The following SENP7 variants were observed in gnomAD, a reference collection of about 807,000 sequenced individuals.
SENP7 encodes sentrin-specific protease 7.
In SENP7, 64 loss-of-function variants were observed where a neutral mutation model predicts 141.2. The ratio of observed to expected loss-of-function variants is 0.45; its 90% CI spans 0.37 to 0.56. The LOEUF (loss-of-function observed/expected upper bound fraction) is 0.56. Among genes scored for constraint, SENP7 ranks in the 20% least tolerant of loss-of-function variants. The pLI is 0.00. For synonymous variants in SENP7, 382 were observed against 426.4 expected, an observed-to-expected ratio of 0.90 and a Z score of 1.28; for missense variants, 1,025 against 1,212.2, an observed-to-expected ratio of 0.85 and a Z score of 2.29.
chr3:101,331,853 T>G (rs1186351302), intron 19 of SENP7, 132 bp downstream of exon 19: 1 of 886,556 alleles, frequency 1.1e-6, no homozygotes, highest in Non-Finnish European at 1.7e-6. Flanking sequence ...AATTTCAGAT[T>G]TTTTATTCAT....
At chr3:101,390,751 G>A (rs971919165) in intron 6 of SENP7, among the ~76,000 whole-genome samples, 1 of 152,144 alleles carries the variant, frequency 6.6e-6, no homozygotes, top group Admixed American at 6.5e-5. Flanking sequence ...GATCAAATGG[G>A]CCTAACAGAC....
chr3:101,359,494 C>A (rs1035283540), intron 11 of SENP7, among the ~76,000 whole-genome samples: 2 of 151,564 alleles, frequency 1.3e-5, no homozygotes, highest in African/African-American at 4.8e-5. Flanking sequence ...CTTTCTCTTG[C>A]CTGATGGCCC....
At chr3:101,402,762 G>GA (rs920233175) in intron 5 of SENP7, among the ~76,000 whole-genome samples, 1 of 151,698 alleles carries the variant, frequency 6.6e-6, no homozygotes, top group Admixed American at 6.6e-5. Context: ...CTGCCACTCA[G>GA]AAAAAAAATA....
chr3:101,471,894 T>G (rs2064011623), intron 3 of SENP7, among the ~76,000 whole-genome samples: 1 of 152,042 alleles, frequency 6.6e-6, no homozygotes, highest in Admixed American at 6.5e-5. Flanking sequence ...AACAGACACA[T>G]GAAAAAACAC....
At chr3:101,393,964 G>A (rs2060889052) in intron 6 of SENP7, among the ~76,000 whole-genome samples, 1 of 152,056 alleles carries the variant, frequency 6.6e-6, no homozygotes, top group Non-Finnish European at 1.5e-5. Context: ...TCCATGTGTT[G>A]GGAACATTTC....
rs557215553 is a variant in SENP7, at chr3:101,510,059, T to C, written c.40+3032A>G. 1.0e-3 allele frequency among the ~76,000 whole-genome samples: 152 copies of C among 152,350 alleles called. 1 individual carries two copies. Among genetic ancestry groups the C allele is most frequent in the African/African-American group, 3.3e-3 (138 of 41,584 alleles). ...AATCAGTTGAAAACTGGTTCAAATT[T>C]ACTTGACGTTTCCTATTTTGATTCA... On this transcript the variant is annotated intron_variant, in intron 1 of 23. Coordinates refer to ENST00000394095, the MANE Select transcript of SENP7 (RefSeq NM_020654.5).
At chr3:101,356,922 T>A (rs759056508) in intron 11 of SENP7, among the ~76,000 whole-genome samples, 15 of 152,198 alleles carry the variant, frequency 9.9e-5, no homozygotes, top group Non-Finnish European at 1.9e-4. Flanking sequence ...GAATAAATAC[T>A]CTTCTTCACT....
chr3:101,351,591 C>T (rs1323811418), intron 12 of SENP7, 27 bp downstream of exon 12: 1 of 1,330,134 alleles, frequency 7.5e-7, no homozygotes, highest in Non-Finnish European at 9.9e-7. Context: ...AGTAAAAAGA[C>T]AAGTTCATAA....
intron 6 of SENP7, among the ~76,000 whole-genome samples, chr3:101,380,458 C>CACAA (rs747202619): frequency 7.3e-6 from 1 of 136,150 alleles, no homozygotes; most frequent in Non-Finnish European, 1.6e-5. Flanking sequence ...CACACACACA[C>CACAA]AAAACAAAAC....
At chr3:101,444,799 G>A (rs181968520) in intron 4 of SENP7, among the ~76,000 whole-genome samples, 2,014 of 151,366 alleles carry the variant, frequency 0.013, 46 homozygotes, top group African/African-American at 0.046. Flanking sequence ...GCTAGATGAC[G>A]AGTTAGTGGG....
chr3:101,424,594 C>A (rs1181039664), intron 4 of SENP7, among the ~76,000 whole-genome samples: 1 of 152,092 alleles, frequency 6.6e-6, no homozygotes, highest in East Asian at 1.9e-4. Flanking sequence ...TGAGCAACCA[C>A]CCCTGCCTAC....
At chr3:101,471,226 G>T (rs1008115880) in intron 3 of SENP7, among the ~76,000 whole-genome samples, 1 of 152,124 alleles carries the variant, frequency 6.6e-6, no homozygotes, top group Non-Finnish European at 1.5e-5. Flanking sequence ...AAAGCTGGAG[G>T]CATCACACTA....
At chr3:101,401,035 C>T (rs774920908) in intron 5 of SENP7, among the ~76,000 whole-genome samples, 8 of 151,364 alleles carry the variant, frequency 5.3e-5, no homozygotes, top group Non-Finnish European at 1.2e-4. Flanking sequence ...GAGTTCAAGG[C>T]TGCAGAGAGC....
At chr3:101,442,994 T>G (rs144452234) in intron 4 of SENP7, among the ~76,000 whole-genome samples, 71 of 152,366 alleles carry the variant, frequency 4.7e-4, no homozygotes, top group African/African-American at 1.7e-3. Context: ...TTGCCATTGC[T>G]TTTGGTGTTT....
chr3:101,502,592 G>C (rs2065431190), intron 1 of SENP7, among the ~76,000 whole-genome samples: 1 of 150,482 alleles, frequency 6.6e-6, no homozygotes, highest in Non-Finnish European at 1.5e-5. Context: ...CACCGCGCCT[G>C]GCTGGATTTG....
At position 101,399,039 on chromosome 3, in the gene SENP7, A is replaced by G. The variant is rs1285902199; in HGVS notation, c.499T>C (p.Leu167=). ...NLSERIPRVI[L]TNVLGTELGR... is the part of the protein sequence containing the mutation. The stretch of plus-strand genomic sequence containing the variant: ...AACTCCGTTCCCAGGACATTCGTCA[A>G]TATAACTCTGGGTATCCTGTCACAT... Residue 167 remains leucine, a synonymous_variant, in exon 6 of 24, where the codon TTG becomes CTG. Coordinates refer to ENST00000394095, the MANE Select transcript of SENP7 (RefSeq NM_020654.5). The G allele has an allele frequency of 1.2e-6, 2 of 1,611,438 alleles. No individual in the cohort carries two copies. Among genetic ancestry groups the G allele is most frequent in the South Asian group, 1.1e-5 (1 of 90,612 alleles).
intron 3 of SENP7, 118 bp downstream of exon 3, chr3:101,493,755 A>T (rs2065052096): frequency 3.6e-6 from 2 of 558,692 alleles, no homozygotes; most frequent in Non-Finnish European, 6.1e-6. Flanking sequence ...CTGCAATTAA[A>T]TAACACAAGA....
intron 4 of SENP7, among the ~76,000 whole-genome samples, chr3:101,432,738 C>T (rs538113025): frequency 6.6e-6 from 1 of 152,274 alleles, no homozygotes; most frequent in Admixed American, 6.5e-5. Flanking sequence ...TTGGGGTGCA[C>T]CCTAAAGCTT....
rs772620761 is a variant in SENP7 at position 101,372,147 on chromosome 3, A to T, written c.678-21T>A. ...AGCCCCTGCAAAAGAGAACTGTATT[A>T]TACTCAATTCTAATAAAGCCCAAAT... On this transcript the variant is annotated intron_variant, in intron 6 of 23. Coordinates refer to ENST00000394095, the MANE Select transcript of SENP7 (RefSeq NM_020654.5). 4.6e-6 allele frequency: 6 copies of T among 1,309,546 alleles called. No homozygotes were observed. The African/African-American group carries it at 8.9e-5, about 19-fold the overall frequency. The allele number at this position is 1,309,546 out of a possible 1,614,324, so 81.1% of individuals were successfully genotyped here. A position where few individuals can be genotyped will look rare whatever the true frequency, so the allele number is the denominator to read the frequency against.
Sources: gnomAD v4.1 joint callset for allele counts (sites outside exome capture counted in the v4.1 genomes callset) on GRCh38, gnomAD v4.1.1 for gene constraint, MANE v1.5 for transcripts, NCBI Gene and HGNC (gene_info 2026-07-23, HGNC 2026-07-21) for gene names.